The following PLD5 variants were observed in gnomAD, a reference collection of about 807,000 sequenced individuals.
PLD5 encodes phospholipase D family member 5.
Under a neutral mutation model 61.1 loss-of-function variants are expected in PLD5, and 36 were observed. The ratio of observed to expected loss-of-function variants is 0.59; its 90% CI spans 0.45 to 0.78. The LOEUF (loss-of-function observed/expected upper bound fraction) is 0.78, where lower values mean the gene tolerates loss of function less well. PLD5 is among the 30% of genes least tolerant of loss of function. PLD5 has a pLI of 0.00. For missense variants in PLD5, 515 were observed against 644.4 expected (o/e 0.80, Z 2.17); for synonymous variants, 243 against 242.8 (o/e 1.00, Z -0.01).
At chr1:242,333,543 G>A (rs3856234) in intron 2 of PLD5, among the ~76,000 whole-genome samples, 134,483 of 152,008 alleles carry the variant, frequency 0.88, 59,680 homozygotes, top group East Asian at 0.95. Context: ...GACTGGTTAC[G>A]GGAAAGTTTC....
At position 242,215,230 on chromosome 1, in the gene PLD5, A is replaced by T. The variant is rs77069503; in HGVS notation, c.735+4758T>A. On this transcript the variant is annotated intron_variant, in intron 5 of 9. Transcript: ENST00000536534. ...CTTTTGCATTTATATGATGGCCCAC[A>T]AAAATTAAAACTGATAATGGTTCAG... Among the ~76,000 whole-genome samples, 262 of 151,976 alleles carry T rather than the reference A, an allele frequency of 1.7e-3. 10 individuals are homozygous for T. The highest frequency in any genetic ancestry group is 0.016 in the Admixed American group (246 of 15,198).
chr1:242,495,238 G>A (rs1459981115), intron 1 of PLD5, among the ~76,000 whole-genome samples: 2 of 151,992 alleles, frequency 1.3e-5, no homozygotes, highest in African/African-American at 2.4e-5. Flanking sequence ...GCCCAGCTGG[G>A]AACCATGTGG....
intron 1 of PLD5, among the ~76,000 whole-genome samples, chr1:242,386,731 G>GA (rs1378823402): frequency 6.6e-6 from 1 of 151,940 alleles, no homozygotes; most frequent in Admixed American, 6.5e-5. Flanking sequence ...TCTGGTTAGG[G>GA]AAAAAAGGGG....
intron 5 of PLD5, among the ~76,000 whole-genome samples, chr1:242,144,281 AC>A (rs1428114813): frequency 1.3e-5 from 2 of 151,828 alleles, no homozygotes; most frequent in Non-Finnish European, 2.9e-5. Flanking sequence ...TATTAAACAA[AC>A]CAAAATTTCT....
intron 1 of PLD5, among the ~76,000 whole-genome samples, chr1:242,413,089 A>G (rs560725273): frequency 6.6e-6 from 1 of 152,192 alleles, no homozygotes; most frequent in South Asian, 2.1e-4. Context: ...CAAGTTCCCG[A>G]GGGCGCCTTC....
intron 1 of PLD5, among the ~76,000 whole-genome samples, chr1:242,494,878 C>CTTTTTTTTTTTTTTTT (rs556893161): frequency 1.5e-5 from 2 of 135,916 alleles, no homozygotes. Context: ...TTTTTCTTTT[C>CTTTTTTTTTTTTTTTT]TGTTTTTTTT....
intron 1 of PLD5, among the ~76,000 whole-genome samples, chr1:242,481,971 A>G (rs1667793298): frequency 1.3e-5 from 2 of 152,322 alleles, no homozygotes; most frequent in Non-Finnish European, 2.9e-5. Flanking sequence ...ACCTCCAGCA[A>G]ACACCAACTG....
chr1:242,102,892 T>C (rs556118130), intron 8 of PLD5, among the ~76,000 whole-genome samples: 1 of 152,262 alleles, frequency 6.6e-6, no homozygotes, highest in South Asian at 2.1e-4. Flanking sequence ...ATCAAAAAGA[T>C]GAAGCTGATT....
intron 1 of PLD5, among the ~76,000 whole-genome samples, chr1:242,410,957 G>A (rs71652405): frequency 0.14 from 20,187 of 146,566 alleles, 1,423 homozygotes; most frequent in Middle Eastern, 0.25. Context: ...ACCAATAATC[G>A]AAAAAAAAAA....
At chr1:242,262,820 AT>A (rs966787508) in intron 4 of PLD5, among the ~76,000 whole-genome samples, 1 of 152,102 alleles carries the variant, frequency 6.6e-6, no homozygotes, top group Non-Finnish European at 1.5e-5. Flanking sequence ...AACATGTTGC[AT>A]TTGAGATGTT....
intron 4 of PLD5, among the ~76,000 whole-genome samples, chr1:242,227,570 C>T (rs2010254): frequency 0.22 from 32,727 of 152,146 alleles, 3,803 homozygotes; most frequent in East Asian, 0.37. Flanking sequence ...CACTGTGTTG[C>T]TCAGGCTGGT....
At chr1:242,171,005 C>A (rs1032194088) in intron 5 of PLD5, among the ~76,000 whole-genome samples, 6 of 152,114 alleles carry the variant, frequency 3.9e-5, no homozygotes, top group Non-Finnish European at 7.4e-5. Context: ...CCTAGCAAGA[C>A]AGGCCAACAT....
intron 4 of PLD5, among the ~76,000 whole-genome samples, chr1:242,253,375 C>T (rs893470856): frequency 2.1e-5 from 3 of 144,526 alleles, no homozygotes; most frequent in African/African-American, 5.2e-5. Context: ...TGCAGTGGCG[C>T]GATCTTGGCT....
chr1:242,365,409 A>T (rs1281528351), intron 1 of PLD5: 1 of 160,974 alleles, frequency 6.2e-6, no homozygotes, highest in African/African-American at 2.4e-5. Context: ...CACTGTAATG[A>T]GGCCAAGGCT....
chr1:242,223,851 TAG>T (rs34987274), intron 4 of PLD5, among the ~76,000 whole-genome samples: 89,377 of 144,092 alleles, frequency 0.62, 27,022 homozygotes, highest in South Asian at 0.71. Context: ...TATATATAAA[TAG>T]AGAGAGAGAG....
chr1:242,132,200 G>GGGGA (rs1663338135), intron 5 of PLD5, among the ~76,000 whole-genome samples: 1 of 96,724 alleles, frequency 1.0e-5, no homozygotes, highest in African/African-American at 3.8e-5. Context: ...TGCGGGGGGG[G>GGGGA]GGGGGGGCGG....
chr1:242,526,095 T>C (rs2103017247), upstream of PLD5, among the ~76,000 whole-genome samples: 1 of 152,240 alleles, frequency 6.6e-6, no homozygotes. Flanking sequence ...AAAACAAGGA[T>C]ATGAACCAGA....
chr1:242,262,101 C>T (rs375133644), intron 4 of PLD5, among the ~76,000 whole-genome samples: 1,821 of 152,264 alleles, frequency 0.012, 49 homozygotes, highest in African/African-American at 0.041. Flanking sequence ...AACAGATCCA[C>T]TGTATTATAT....
chr1:242,168,028 C>T (rs1299727246), intron 5 of PLD5, among the ~76,000 whole-genome samples: 1 of 152,156 alleles, frequency 6.6e-6, no homozygotes, highest in Non-Finnish European at 1.5e-5. Flanking sequence ...ATCAATGGAA[C>T]CAGAATCTCC....
Sources: gnomAD v4.1 joint callset for allele counts (sites outside exome capture counted in the v4.1 genomes callset) on GRCh38, gnomAD v4.1.1 for gene constraint, MANE v1.5 for transcripts, NCBI Gene and HGNC (gene_info 2026-07-23, HGNC 2026-07-21) for gene names.